The following AUTS2 variants were observed in gnomAD, a reference collection of about 807,000 sequenced individuals.
The protein encoded by AUTS2 is activator of transcription and developmental regulator AUTS2, also known as autism susceptibility gene 2 protein.
AUTS2 carries 17 observed loss-of-function variants against 112.4 expected under a neutral mutation model. The observed-to-expected ratio is 0.15, with a 90% CI of 0.10 to 0.23. The LOEUF (loss-of-function observed/expected upper bound fraction) is 0.23. Ranked by LOEUF, AUTS2 falls within the 10% of genes least tolerant of loss-of-function variation. The pLI is 1.00. For missense variants in AUTS2, 1,510 were observed against 1,701.6 expected (o/e 0.89, Z 1.98); for synonymous variants, 751 against 702.7 (o/e 1.07, Z -1.09).
intron 4 of AUTS2, among the ~76,000 whole-genome samples, chr7:70,406,936 C>T (rs1023549980): frequency 6.6e-6 from 1 of 152,220 alleles, no homozygotes; most frequent in African/African-American, 2.4e-5. Flanking sequence ...CTGGCCTGTT[C>T]TCAACCTTCC....
chr7:70,316,483 A>C (rs1790003295), intron 4 of AUTS2, among the ~76,000 whole-genome samples: 1 of 147,410 alleles, frequency 6.8e-6, no homozygotes, highest in Non-Finnish European at 1.5e-5. Flanking sequence ...AGCTCACTGC[A>C]ACACCCACCT....
intron 1 of AUTS2, among the ~76,000 whole-genome samples, chr7:69,835,174 G>T (rs1210281833): frequency 1.3e-5 from 2 of 151,884 alleles, no homozygotes; most frequent in Non-Finnish European, 2.9e-5. Flanking sequence ...TTCTAGGTTT[G>T]TTAAGGGACA....
intron 1 of AUTS2, among the ~76,000 whole-genome samples, chr7:69,897,138 C>A (rs1350169549): frequency 1.3e-5 from 2 of 152,046 alleles, no homozygotes; most frequent in African/African-American, 4.8e-5. Flanking sequence ...GAGTGAAGAC[C>A]TGAGAATAGA....
chr7:70,089,646 A>G (rs1243217068), intron 2 of AUTS2, among the ~76,000 whole-genome samples: 2 of 151,648 alleles, frequency 1.3e-5, no homozygotes, highest in African/African-American at 4.9e-5. Flanking sequence ...ATTTTATCTT[A>G]TTTTTTCCTA....
intron 5 of AUTS2, among the ~76,000 whole-genome samples, chr7:70,537,232 A>T (rs1800361163): frequency 2.0e-5 from 3 of 152,156 alleles, no homozygotes; most frequent in Admixed American, 6.5e-5. Flanking sequence ...ATCCTCCATA[A>T]ATCTGGTGTA....
chr7:69,827,220 C>T (rs1791288633), intron 1 of AUTS2, among the ~76,000 whole-genome samples: 1 of 152,128 alleles, frequency 6.6e-6, no homozygotes, highest in Admixed American at 6.6e-5. Context: ...TTTTCTCCCT[C>T]TTATAAGCAA....
At chr7:70,301,609 C>A (rs1268423216) in intron 4 of AUTS2, among the ~76,000 whole-genome samples, 1 of 152,100 alleles carries the variant, frequency 6.6e-6, no homozygotes, top group Non-Finnish European at 1.5e-5. Context: ...TCCGTCCTCA[C>A]CACCCTGCTG....
intron 2 of AUTS2, among the ~76,000 whole-genome samples, chr7:70,031,815 T>G (rs576661356): frequency 6.6e-6 from 1 of 152,266 alleles, no homozygotes; most frequent in Admixed American, 6.5e-5. Context: ...TCTATGTCCC[T>G]TACGAAATAA....
At chr7:69,941,533 G>GT (rs925257340) in intron 2 of AUTS2, among the ~76,000 whole-genome samples, 3 of 151,294 alleles carry the variant, frequency 2.0e-5, no homozygotes, top group African/African-American at 7.3e-5. Context: ...TTATATTGCA[G>GT]TTTATACTAC....
intron 5 of AUTS2, among the ~76,000 whole-genome samples, chr7:70,695,278 G>A (rs911256629): frequency 7.9e-5 from 12 of 152,134 alleles, no homozygotes; most frequent in Non-Finnish European, 1.2e-4. Context: ...GGCCGGCCGG[G>A]CTCGGCCGGA....
chr7:70,769,216 C>T (rs1790157814), intron 10 of AUTS2, among the ~76,000 whole-genome samples: 1 of 152,150 alleles, frequency 6.6e-6, no homozygotes, highest in Admixed American at 6.5e-5. Flanking sequence ...TGCCTCCTCC[C>T]CCTCCCTCCC....
chr7:70,381,517 A>C (rs1472829688), intron 4 of AUTS2, among the ~76,000 whole-genome samples: 1 of 152,236 alleles, frequency 6.6e-6, no homozygotes, highest in Non-Finnish European at 1.5e-5. Flanking sequence ...AAACTTGCAA[A>C]TCATTCGTTA....
At chr7:70,378,334 T>G (rs1433149650) in intron 4 of AUTS2, among the ~76,000 whole-genome samples, 1 of 152,260 alleles carries the variant, frequency 6.6e-6, no homozygotes, top group Non-Finnish European at 1.5e-5. Flanking sequence ...TAACAACTTT[T>G]AAGCTCTGTG....
chr7:69,726,762 T>C (rs148899850), intron 1 of AUTS2, among the ~76,000 whole-genome samples: 226 of 152,336 alleles, frequency 1.5e-3, no homozygotes, highest in South Asian at 2.9e-3. Context: ...ATATGGTATT[T>C]CAGTATGGTT....
intron 4 of AUTS2, among the ~76,000 whole-genome samples, chr7:70,340,887 G>A (rs1484615725): frequency 2.0e-5 from 3 of 152,170 alleles, no homozygotes; most frequent in Non-Finnish European, 2.9e-5. Context: ...GGTGTTGGAA[G>A]AGTTTTGAGT....
At chr7:69,648,868 A>G (rs1211076840) in intron 1 of AUTS2, among the ~76,000 whole-genome samples, 1 of 152,224 alleles carries the variant, frequency 6.6e-6, no homozygotes, top group African/African-American at 2.4e-5. Flanking sequence ...ACTGTTACAT[A>G]AATGTAAATA....
intron 1 of AUTS2, among the ~76,000 whole-genome samples, chr7:69,631,002 GATT>G (rs1794207321): frequency 6.6e-6 from 1 of 151,546 alleles, no homozygotes. Flanking sequence ...GATTAGAATT[GATT>G]ACCTATAGGG....
intron 5 of AUTS2, among the ~76,000 whole-genome samples, chr7:70,682,275 G>A (rs73435043): frequency 0.028 from 4,287 of 152,256 alleles, 222 homozygotes; most frequent in African/African-American, 0.097. Context: ...TTATGGGGCC[G>A]TGCTGAAAAC....
intron 4 of AUTS2, among the ~76,000 whole-genome samples, chr7:70,383,640 C>G (rs1793474074): frequency 6.6e-6 from 1 of 152,304 alleles, no homozygotes; most frequent in East Asian, 1.9e-4. Flanking sequence ...AGCCAAAAAT[C>G]CCAGTGCCTG....
Sources: gnomAD v4.1 joint callset for allele counts (sites outside exome capture counted in the v4.1 genomes callset) on GRCh38, gnomAD v4.1.1 for gene constraint, MANE v1.5 for transcripts, NCBI Gene and HGNC (gene_info 2026-07-23, HGNC 2026-07-21) for gene names.